CCSER1: variants seen among roughly 807,000 people sequenced by gnomAD.
The protein encoded by CCSER1 is serine-rich coiled-coil domain-containing protein 1.
Under a neutral mutation model 82.0 loss-of-function variants are expected in CCSER1, and 41 were observed. The ratio of observed to expected loss-of-function variants is 0.50; its 90% CI spans 0.39 to 0.65. The LOEUF (loss-of-function observed/expected upper bound fraction) is 0.65, where lower values mean the gene tolerates loss of function less well. Ranked by LOEUF, CCSER1 falls within the 30% of genes least tolerant of loss-of-function variation. CCSER1 has a pLI of 0.00. For synonymous variants in CCSER1, 414 were observed against 383.9 expected (o/e 1.08, Z -0.92); for missense variants, 1,119 against 1,064.2 (o/e 1.05, Z -0.72).
chr4:90,697,805 C>T (rs770602752), intron 6 of CCSER1, among the ~76,000 whole-genome samples: 1 of 152,102 alleles, frequency 6.6e-6, no homozygotes, highest in African/African-American at 2.4e-5. Flanking sequence ...TCACCCTATA[C>T]TCTCAGGAAT....
intron 10 of CCSER1, among the ~76,000 whole-genome samples, chr4:91,229,039 A>G (rs1738417062): frequency 6.6e-6 from 1 of 152,164 alleles, no homozygotes; most frequent in Non-Finnish European, 1.5e-5. Flanking sequence ...CAAGCTGTAG[A>G]GCGGGCCAAT....
Position 91,047,745 on chromosome 4 carries a change from G to A in CCSER1, c.2173-38205G>A, listed in dbSNP as rs115898382. ...TTATTCTCAGAGGCCATTTTCAGAC[G>A]TAGCAGGTGTCCAGTGAAAGAGGTA... On this transcript the variant is annotated intron_variant, in intron 9 of 10. Transcript: ENST00000509176. Among the ~76,000 whole-genome samples, 470 of 152,216 alleles carry A rather than the reference G, an allele frequency of 3.1e-3. 3 individuals are homozygous for A. The highest frequency in any genetic ancestry group is 0.011 in the African/African-American group (450 of 41,548).
chr4:90,335,353 C>G (rs575612140), intron 3 of CCSER1, among the ~76,000 whole-genome samples: 1 of 152,136 alleles, frequency 6.6e-6, no homozygotes, highest in East Asian at 1.9e-4. Context: ...AGATGACAGA[C>G]TAATTAATTA....
At chr4:91,396,489 T>TTG (rs1332687789) in intron 10 of CCSER1, among the ~76,000 whole-genome samples, 1 of 151,364 alleles carries the variant, frequency 6.6e-6, no homozygotes, top group African/African-American at 2.5e-5. Flanking sequence ...TTTTGGCAAC[T>TTG]TGTACTAGAA....
At chr4:90,555,109 A>C (rs965562309) in intron 5 of CCSER1, among the ~76,000 whole-genome samples, 4 of 152,102 alleles carry the variant, frequency 2.6e-5, no homozygotes, top group Admixed American at 6.6e-5. Flanking sequence ...TTAAACATAA[A>C]ATTCATTTTT....
intron 8 of CCSER1, among the ~76,000 whole-genome samples, chr4:90,898,484 C>G (rs1021227321): frequency 6.8e-6 from 1 of 147,218 alleles, no homozygotes; most frequent in Non-Finnish European, 1.5e-5. Flanking sequence ...GACGGGGTTT[C>G]ACTATGTTGG....
chr4:90,937,357 C>T (rs539692101), intron 9 of CCSER1, among the ~76,000 whole-genome samples: 1 of 152,172 alleles, frequency 6.6e-6, no homozygotes, highest in Admixed American at 6.5e-5. Context: ...TCAGGATTTC[C>T]TCATATTGCT....
chr4:90,272,781 T>C (rs926483015), intron 1 of CCSER1, among the ~76,000 whole-genome samples: 17 of 152,146 alleles, frequency 1.1e-4, no homozygotes, highest in African/African-American at 3.9e-4. Flanking sequence ...GGAGGGTGGA[T>C]CACCTGAGGT....
intron 10 of CCSER1, among the ~76,000 whole-genome samples, chr4:91,379,775 C>A (rs757676158): frequency 3.9e-5 from 6 of 152,154 alleles, no homozygotes; most frequent in Admixed American, 6.6e-5. Flanking sequence ...TTAGTTATTT[C>A]TTGCCTTCTG....
At chr4:91,151,420 G>C (rs1211187427) in intron 10 of CCSER1, among the ~76,000 whole-genome samples, 3 of 151,958 alleles carry the variant, frequency 2.0e-5, no homozygotes, top group Admixed American at 6.6e-5. Context: ...CAAAAAACCA[G>C]CTCCTGGATT....
chr4:91,072,876 A>T (rs1160479527), intron 9 of CCSER1, among the ~76,000 whole-genome samples: 2 of 152,116 alleles, frequency 1.3e-5, no homozygotes, highest in Non-Finnish European at 2.9e-5. Flanking sequence ...AATGCCTGGC[A>T]CCTAGTCAGA....
At chr4:90,162,500 A>G (rs1729647282) in intron 1 of CCSER1, among the ~76,000 whole-genome samples, 2 of 152,108 alleles carry the variant, frequency 1.3e-5, no homozygotes, top group Admixed American at 6.6e-5. Flanking sequence ...TTAACGTAAC[A>G]TAATGGATTA....
chr4:90,775,648 T>C (rs1466807635), intron 7 of CCSER1, among the ~76,000 whole-genome samples: 1 of 152,170 alleles, frequency 6.6e-6, no homozygotes, highest in African/African-American at 2.4e-5. Context: ...TAATGCAGAA[T>C]AATGATAATG....
intron 5 of CCSER1, among the ~76,000 whole-genome samples, chr4:90,527,817 A>G (rs1773981557): frequency 6.6e-6 from 1 of 152,098 alleles, no homozygotes. Flanking sequence ...ATATTTTAGT[A>G]AATTGATGGT....
intron 1 of CCSER1, among the ~76,000 whole-genome samples, chr4:90,147,157 T>C (rs1055013796): frequency 6.6e-6 from 1 of 151,420 alleles, no homozygotes; most frequent in African/African-American, 2.4e-5. Flanking sequence ...TAAGACACTT[T>C]ACTGTGTCTT....
intron 10 of CCSER1, among the ~76,000 whole-genome samples, chr4:91,475,982 T>C (rs1041353885): frequency 2.0e-5 from 3 of 151,900 alleles, no homozygotes; most frequent in Non-Finnish European, 4.4e-5. Flanking sequence ...TTTCATTCTT[T>C]TTTATGATTG....
intron 10 of CCSER1, among the ~76,000 whole-genome samples, chr4:91,488,903 GA>G (rs1758362951): frequency 6.6e-6 from 1 of 152,104 alleles, no homozygotes; most frequent in South Asian, 2.1e-4. Flanking sequence ...ATTATAGGTA[GA>G]AAAACTAAAC....
At chr4:91,585,418 T>C (rs1432267718) in intron 10 of CCSER1, among the ~76,000 whole-genome samples, 2 of 151,408 alleles carry the variant, frequency 1.3e-5, no homozygotes, top group East Asian at 3.9e-4. Flanking sequence ...CTAAGGTAAA[T>C]GCTGGGAGAA....
chr4:90,146,882 C>A (rs902102544), intron 1 of CCSER1, among the ~76,000 whole-genome samples: 1 of 151,956 alleles, frequency 6.6e-6, no homozygotes, highest in Non-Finnish European at 1.5e-5. Flanking sequence ...AATTATTTCC[C>A]TTTGAAGACA....
Sources: gnomAD v4.1 joint callset for allele counts (sites outside exome capture counted in the v4.1 genomes callset) on GRCh38, gnomAD v4.1.1 for gene constraint, MANE v1.5 for transcripts, NCBI Gene and HGNC (gene_info 2026-07-23, HGNC 2026-07-21) for gene names.